The following EBF1 variants were observed in gnomAD, a reference collection of about 807,000 sequenced individuals.
EBF1 encodes EBF transcription factor 1.
In EBF1, 10 loss-of-function variants were observed where a neutral mutation model predicts 68.4. The ratio of observed to expected loss-of-function variants is 0.15; its 90% CI spans 0.09 to 0.25. The LOEUF is 0.25. Among genes scored for constraint, EBF1 ranks in the 10% least tolerant of loss-of-function variants. The pLI is 1.00. For synonymous variants in EBF1, 298 were observed against 299.8 expected (o/e 0.99, Z 0.06); for missense variants, 509 against 794.4 (o/e 0.64, Z 4.32).
intron 5 of EBF1, among the ~76,000 whole-genome samples, chr5:159,074,308 A>G (rs1418430668): frequency 6.6e-6 from 1 of 152,228 alleles, no homozygotes; most frequent in Non-Finnish European, 1.5e-5. Flanking sequence ...TGAACATTTT[A>G]TGTTTTTGAA....
chr5:158,810,475 TA>T, intron 8 of EBF1, among the ~76,000 whole-genome samples: 1 of 152,292 alleles, frequency 6.6e-6, no homozygotes, highest in African/African-American at 2.4e-5. Flanking sequence ...TTGAAATTTT[TA>T]TTACTTTGCC....
intron 10 of EBF1, among the ~76,000 whole-genome samples, chr5:158,757,872 G>C (rs894399029): frequency 2.0e-4 from 30 of 152,230 alleles, no homozygotes; most frequent in African/African-American, 7.2e-4. Flanking sequence ...AATAAGAATC[G>C]GGGGCTTTGT....
At chr5:158,943,448 C>T (rs965149683) in intron 6 of EBF1, among the ~76,000 whole-genome samples, 2 of 152,052 alleles carry the variant, frequency 1.3e-5, no homozygotes, top group African/African-American at 4.8e-5. Flanking sequence ...AGGTGAAAGG[C>T]TATATAATAA....
At chr5:159,039,005 C>A (rs1385624604) in intron 6 of EBF1, among the ~76,000 whole-genome samples, 1 of 152,132 alleles carries the variant, frequency 6.6e-6, no homozygotes, top group Non-Finnish European at 1.5e-5. Context: ...ATGTTTACTT[C>A]CTTTAGAAAA....
chr5:159,063,123 G>A (rs1370028939), intron 6 of EBF1, among the ~76,000 whole-genome samples: 1 of 152,104 alleles, frequency 6.6e-6, no homozygotes, highest in Non-Finnish European at 1.5e-5. Context: ...ACAAAAACAA[G>A]CCCTAAGCAT....
chr5:159,038,658 T>A (rs2127767787), intron 6 of EBF1, among the ~76,000 whole-genome samples: 1 of 152,308 alleles, frequency 6.6e-6, no homozygotes, highest in Admixed American at 6.5e-5. Context: ...AAGCCATTCC[T>A]TGGTGTAGTG....
rs1043138615 is a variant in EBF1 at position 158,904,645 on chromosome 5, G to A, written c.555-64535C>T. Among the ~76,000 whole-genome samples, 5 of 152,028 alleles carry A rather than the reference G, an allele frequency of 3.3e-5. 1 individual carries two copies. Among genetic ancestry groups the A allele is most frequent in the Non-Finnish European group, 7.4e-5 (5 of 67,990 alleles). Reference sequence around the variant, plus strand: ...AAAGGAACTGAATTTGACTTTTTTCGAAAGGTAATATCCATTTATGGGCCC... The same window carrying A: ...AAAGGAACTGAATTTGACTTTTTTCAAAAGGTAATATCCATTTATGGGCCC... On this transcript the variant is annotated intron_variant, in intron 6 of 15. Transcript: ENST00000313708.
At chr5:158,756,617 C>T (rs1770153023) in intron 10 of EBF1, among the ~76,000 whole-genome samples, 1 of 151,874 alleles carries the variant, frequency 6.6e-6, no homozygotes. Context: ...CTTTAACTCT[C>T]TGCCAGTCAT....
At chr5:158,755,797 A>G (rs1769944774) in intron 10 of EBF1, among the ~76,000 whole-genome samples, 1 of 152,136 alleles carries the variant, frequency 6.6e-6, no homozygotes, top group African/African-American at 2.4e-5. Flanking sequence ...GAGAACCTCT[A>G]TGTTTGAGGG....
intron 11 of EBF1, among the ~76,000 whole-genome samples, chr5:158,715,228 T>C (rs908868841): frequency 8.5e-5 from 13 of 152,136 alleles, no homozygotes; most frequent in African/African-American, 2.4e-4. Context: ...GTGGGTAAAG[T>C]TTCAAACAGA....
At chr5:158,871,326 G>A (rs1796833520) in intron 6 of EBF1, among the ~76,000 whole-genome samples, 1 of 152,122 alleles carries the variant, frequency 6.6e-6, no homozygotes, top group African/African-American at 2.4e-5. Flanking sequence ...GAACAAATCT[G>A]CATGACCATC....
intron 6 of EBF1, among the ~76,000 whole-genome samples, chr5:158,902,008 T>C (rs530075255): frequency 1.1e-3 from 171 of 152,272 alleles, no homozygotes; most frequent in African/African-American, 4.0e-3. Context: ...GGAGAATCAC[T>C]TGAACCAGGG....
chr5:158,831,617 G>A (rs544302875), intron 7 of EBF1, among the ~76,000 whole-genome samples: 63 of 152,214 alleles, frequency 4.1e-4, no homozygotes, highest in Middle Eastern at 6.8e-3. Flanking sequence ...TTTTAATTGG[G>A]TGATTAGGAA....
At chr5:158,944,826 T>G (rs1473298995) in intron 6 of EBF1, among the ~76,000 whole-genome samples, 3 of 152,268 alleles carry the variant, frequency 2.0e-5, no homozygotes, top group Non-Finnish European at 4.4e-5. Flanking sequence ...CCAGCGATGA[T>G]GAGCTTTTAT....
Position 158,698,445 on chromosome 5 carries a change from T to TTTACACAGTCTTATTTACACAGTTATTAC in EBF1, c.*665_*666insGTAATAACTGTGTAAATAAGACTGTGTAA. ...TCGCGTTTTAACTTTCCAGGCTGCA[T>TTTACACAGTCTTATTTACACAGTTATTAC]TTATTTACACAGTTGCTTAAGACAA... On this transcript the variant is annotated 3_prime_UTR_variant, in exon 16 of 16. Coordinates refer to ENST00000313708, the MANE Select transcript of EBF1 (RefSeq NM_024007.5). 4.5e-6 allele frequency: 1 copy of TTTACACAGTCTTATTTACACAGTTATTAC among 222,038 alleles called. No individual in the cohort carries two copies. Among genetic ancestry groups the TTTACACAGTCTTATTTACACAGTTATTAC allele is most frequent in the Non-Finnish European group, 9.0e-6 (1 of 110,708 alleles). 13.8% of individuals were successfully genotyped at this position (222,038 alleles called of 1,614,324 possible).
At chr5:158,742,457 CATAA>C (rs144061966) in intron 10 of EBF1, among the ~76,000 whole-genome samples, 1,848 of 152,256 alleles carry the variant, frequency 0.012, 127 homozygotes, top group Admixed American at 0.11. Context: ...GTGATTAGCA[CATAA>C]ATACTCAATA....
chr5:158,905,192 C>T (rs1399236089), intron 6 of EBF1, among the ~76,000 whole-genome samples: 2 of 152,166 alleles, frequency 1.3e-5, no homozygotes, highest in Admixed American at 6.6e-5. Context: ...AAAACCTCCC[C>T]CATTTGCACC....
chr5:158,822,107 T>C (rs1314540351), intron 8 of EBF1, among the ~76,000 whole-genome samples: 2 of 152,090 alleles, frequency 1.3e-5, no homozygotes, highest in Non-Finnish European at 2.9e-5. Flanking sequence ...CAGGTGATCA[T>C]TTGTGTGGTA....
chr5:158,760,301 A>G (rs1055220966), intron 10 of EBF1, among the ~76,000 whole-genome samples: 3 of 152,202 alleles, frequency 2.0e-5, no homozygotes, highest in African/African-American at 4.8e-5. Flanking sequence ...CCATGGCCCA[A>G]CGTGGCATAA....
Sources: allele counts gnomAD v4.1 joint callset (sites outside exome capture counted in the v4.1 genomes callset), GRCh38; gene constraint gnomAD v4.1.1; transcripts MANE v1.5; gene names NCBI Gene and HGNC (gene_info 2026-07-23, HGNC 2026-07-21).